FOXN3: variants seen among roughly 807,000 people sequenced by gnomAD.
FOXN3 encodes forkhead box N3.
A neutral mutation model predicts 38.4 loss-of-function variants in FOXN3; 7 were observed. The observed-to-expected ratio is 0.18, with a 90% CI of 0.10 to 0.34. FOXN3 has a LOEUF of 0.34. FOXN3 is among the 10% of genes least tolerant of loss of function. The probability of loss-of-function intolerance (pLI) is 1.00; values close to 1 mark genes in which losing one functional copy is unlikely to be tolerated. For missense variants in FOXN3, 456 were observed against 613.4 expected, an observed-to-expected ratio of 0.74 and a Z score of 2.71; for synonymous variants, 230 against 242.2, an observed-to-expected ratio of 0.95 and a Z score of 0.47.
intron 1 of FOXN3, among the ~76,000 whole-genome samples, chr14:89,489,825 T>C (rs1312033520): frequency 6.6e-6 from 1 of 152,202 alleles, no homozygotes; most frequent in Non-Finnish European, 1.5e-5. Context: ...TTAAAAAGCC[T>C]GTCAGCCTCA....
At chr14:89,491,932 T>C (rs1459005353) in intron 1 of FOXN3, among the ~76,000 whole-genome samples, 1 of 152,260 alleles carries the variant, frequency 6.6e-6, no homozygotes, top group Non-Finnish European at 1.5e-5. Context: ...TGTGTTTTTC[T>C]ATTCTTACAA....
At chr14:89,257,918 C>T (rs1331649538) in intron 4 of FOXN3, among the ~76,000 whole-genome samples, 1 of 152,110 alleles carries the variant, frequency 6.6e-6, no homozygotes. Context: ...GGTGACATTT[C>T]CTCAGAAGAC....
intron 2 of FOXN3, among the ~76,000 whole-genome samples, chr14:89,358,644 G>C (rs1032509613): frequency 6.6e-6 from 1 of 152,192 alleles, no homozygotes; most frequent in Non-Finnish European, 1.5e-5. Context: ...CTTTGGGAAC[G>C]TGTGATTACA....
At chr14:89,238,332 T>A (rs1885040753) in intron 4 of FOXN3, among the ~76,000 whole-genome samples, 1 of 152,244 alleles carries the variant, frequency 6.6e-6, no homozygotes, top group Admixed American at 6.5e-5. Flanking sequence ...CAAACTGATG[T>A]ACCGCAATTT....
intron 4 of FOXN3, among the ~76,000 whole-genome samples, chr14:89,246,834 C>T (rs1048260886): frequency 2.0e-5 from 3 of 152,018 alleles, no homozygotes; most frequent in Non-Finnish European, 4.4e-5. Context: ...CCACTGTGCC[C>T]AGCCGGATGC....
chr14:89,255,282 T>C (rs1231481355), intron 4 of FOXN3, among the ~76,000 whole-genome samples: 1 of 152,240 alleles, frequency 6.6e-6, no homozygotes, highest in Non-Finnish European at 1.5e-5. Flanking sequence ...GCATTTCAAC[T>C]GATGCCCAAA....
intron 3 of FOXN3, among the ~76,000 whole-genome samples, chr14:89,331,526 G>C (rs1179604611): frequency 3.3e-5 from 5 of 152,194 alleles, no homozygotes; most frequent in Non-Finnish European, 5.9e-5. Flanking sequence ...CAAAAGCAGT[G>C]GTGAAGGGGA....
At chr14:89,415,307 TTTTAA>T (rs935430635) in intron 1 of FOXN3, among the ~76,000 whole-genome samples, 2 of 152,230 alleles carry the variant, frequency 1.3e-5, no homozygotes, top group African/African-American at 4.8e-5. Flanking sequence ...CTCTCTTTCT[TTTTAA>T]TTTGCTTATT....
chr14:89,375,634 A>C (rs1307417073), intron 2 of FOXN3, among the ~76,000 whole-genome samples: 3 of 152,230 alleles, frequency 2.0e-5, no homozygotes, highest in African/African-American at 7.2e-5. Context: ...AAGAGATATA[A>C]ATACAAAATC....
intron 4 of FOXN3, among the ~76,000 whole-genome samples, chr14:89,252,897 G>T (rs1020591002): frequency 6.6e-6 from 1 of 152,140 alleles, no homozygotes; most frequent in Non-Finnish European, 1.5e-5. Flanking sequence ...CAACATGGCG[G>T]GTAGGTACTG....
chr14:89,165,174 C>T (rs1442347406), intron 5 of FOXN3, among the ~76,000 whole-genome samples: 1 of 152,206 alleles, frequency 6.6e-6, no homozygotes, highest in South Asian at 2.1e-4. Context: ...CCCAGATACA[C>T]ACCACCTCCC....
intron 1 of FOXN3, among the ~76,000 whole-genome samples, chr14:89,488,461 C>G (rs775471376): frequency 2.6e-5 from 4 of 151,854 alleles, no homozygotes; most frequent in Non-Finnish European, 5.9e-5. Flanking sequence ...GCCTGGGCAA[C>G]GGGGCAAAAC....
At chr14:89,195,372 A>G (rs533757126) in intron 4 of FOXN3, among the ~76,000 whole-genome samples, 1 of 152,312 alleles carries the variant, frequency 6.6e-6, no homozygotes, top group Admixed American at 6.5e-5. Context: ...CTCTATAAAA[A>G]AGTCCAAATT....
chr14:89,348,812 G>C (rs1223450337), intron 3 of FOXN3, among the ~76,000 whole-genome samples: 1 of 152,122 alleles, frequency 6.6e-6, no homozygotes, highest in African/African-American at 2.4e-5. Context: ...TTAAGCTAAG[G>C]CCAGCTCAGA....
chr14:89,273,976 T>C (rs1158447398), intron 4 of FOXN3, among the ~76,000 whole-genome samples: 1 of 152,228 alleles, frequency 6.6e-6, no homozygotes, highest in Non-Finnish European at 1.5e-5. Flanking sequence ...TTAATGTGTA[T>C]GCCTGAGGGT....
intron 3 of FOXN3, among the ~76,000 whole-genome samples, chr14:89,311,127 CATCTTTTAAAAAAAATCTTAT>C (rs1268044272): frequency 1.4e-4 from 20 of 142,794 alleles, no homozygotes; most frequent in Non-Finnish European, 2.7e-4. Context: ...AAAAACCTGA[CATCTTTTAAAAAAAATCTTAT>C]ATCTTTTAAA....
rs953175040 is a variant in FOXN3 at position 89,548,435 on chromosome 14, A to C, written c.-15+70593T>G. On this transcript the variant is annotated intron_variant, in intron 1 of 6. Transcript: ENST00000345097. This position sits in a 1 kb window ranked among gnomAD's most constrained non-coding sequence, Gnocchi z 4.8. Reference sequence around the variant, plus strand: ...TAATATAGCAGGGTAACAGAGACGGAAAAATCAAAGCGGTAGATAATTTAA... The same window carrying C: ...TAATATAGCAGGGTAACAGAGACGGCAAAATCAAAGCGGTAGATAATTTAA... Among the ~76,000 whole-genome samples, 1 of 152,242 alleles carries C rather than the reference A, an allele frequency of 6.6e-6. No homozygotes were observed. Among genetic ancestry groups the C allele is most frequent in the Non-Finnish European group, 1.5e-5 (1 of 68,042 alleles).
upstream of FOXN3, chr14:89,417,806 G>T (rs577778746): frequency 6.6e-6 from 3 of 452,234 alleles, no homozygotes; most frequent in South Asian, 4.7e-5. Flanking sequence ...GGTAAGCACC[G>T]CAGCGTCCCA....
At chr14:89,357,174 G>A (rs895500523) in intron 2 of FOXN3, among the ~76,000 whole-genome samples, 1 of 152,128 alleles carries the variant, frequency 6.6e-6, no homozygotes, top group Non-Finnish European at 1.5e-5. Flanking sequence ...AATACAGTGA[G>A]ACCCCATGTC....
Sources: allele counts gnomAD v4.1 joint callset (sites outside exome capture counted in the v4.1 genomes callset), GRCh38; gene constraint gnomAD v4.1.1; non-coding constraint Gnocchi (gnomAD v3.1); transcripts MANE v1.5; gene names NCBI Gene and HGNC (gene_info 2026-07-23, HGNC 2026-07-21).